Variants in ZNF732 observed in about 807,000 individuals in gnomAD.
The protein encoded by ZNF732 is zinc finger protein 732.
A neutral mutation model predicts 11.5 loss-of-function variants in ZNF732; 12 were observed. That is an observed-to-expected ratio of 1.05 (90% CI 0.67 to 1.70). The LOEUF is 1.70. Ranked by LOEUF, ZNF732 falls within the 40% of genes most tolerant of loss-of-function variation. The pLI is 0.00. For synonymous variants in ZNF732, 231 were observed against 236.5 expected, an observed-to-expected ratio of 0.98 and a Z score of 0.21; for missense variants, 702 against 676.9, an observed-to-expected ratio of 1.04 and a Z score of -0.41.
Position 272,336 on chromosome 4 carries a change from T to G in ZNF732, c.521A>C (p.Lys174Thr), listed in dbSNP as rs1214250512. ...TGEKHFKECG[K>T]SFQKFSDLTQ... ...TAGGTCTGAGAACTTCTGAAATGAC[T>G]TGCCACATTCTTTAAAGTGTTTCTC... Residue 174 changes from lysine (K) to threonine (T), a missense_variant, in exon 4 of 4, where the codon AAG becomes ACG. Transcript: ENST00000419098. 6.2e-7 allele frequency: 1 copy of G among 1,610,646 alleles called. No individual in the cohort carries two copies. The highest frequency in any genetic ancestry group is 8.5e-7 in the Non-Finnish European group (1 of 1,177,952).
intron 3 of ZNF732, among the ~76,000 whole-genome samples, chr4:288,607 C>T (rs1310080311): frequency 6.6e-6 from 1 of 152,112 alleles, no homozygotes; most frequent in African/African-American, 2.4e-5. Context: ...TATTTGTTTT[C>T]CTGCAAATAC....
rs554464445 is a variant in ZNF732 at position 295,138 on chromosome 4, T to C, written c.226+300A>G. Among the ~76,000 whole-genome samples the C allele has an allele frequency of 9.9e-5, 15 of 152,278 alleles. No individual in the cohort carries two copies. In the South Asian group the frequency reaches 3.1e-3, roughly 32 times the overall value. ...ATAGAGCTCCTCAATATACACATAT[T>C]CCTATGTCTCCAAATGCAATGGAAC... On this transcript the variant is annotated intron_variant, in intron 3 of 3. Coordinates refer to ENST00000419098, the MANE Select transcript of ZNF732 (RefSeq NM_001137608.3).
At chr4:293,995 A>C (rs1332158236) in intron 3 of ZNF732, among the ~76,000 whole-genome samples, 1 of 152,162 alleles carries the variant, frequency 6.6e-6, no homozygotes, top group Non-Finnish European at 1.5e-5. Context: ...GTCTGGTAAA[A>C]TTAGTTTGGT....
chr4:271,395 C>T lies in ZNF732; in HGVS notation c.1462G>A (p.Ala488Thr). The change falls in exon 4 of 4, where the codon GCC (alanine) becomes ACC (threonine). Residue 488 changes from alanine (A) to threonine (T), a missense_variant. By Grantham distance (58) the Ala-to-Thr change is moderately conservative (BLOSUM62 0). Around this residue, in one of 3 missense-constraint regions of ZNF732, gnomAD observed 12 missense variants for 31.5 expected, o/e 0.38. Coordinates refer to ENST00000419098, the MANE Select transcript of ZNF732 (RefSeq NM_001137608.3). ...TGAATTGTCTTATGTTTATTCAGGG[C>T]TCTGGAACATAAAAAGGCTTTGCCA... ...ECGKAFLCSR[A>T]LNKHKTIHTG... 6.2e-7 allele frequency: 1 copy of T among 1,600,844 alleles called. No individual in the cohort carries two copies. The highest frequency in any genetic ancestry group is 8.5e-7 in the Non-Finnish European group (1 of 1,173,300).
chr4:275,253 A>G (rs7694325), intron 3 of ZNF732, among the ~76,000 whole-genome samples: 36,039 of 151,566 alleles, frequency 0.24, 4,464 homozygotes, highest in South Asian at 0.36. Flanking sequence ...AAAAATTTAC[A>G]TATTTATAGA....
chr4:279,158 G>A (rs1254880598), intron 3 of ZNF732, among the ~76,000 whole-genome samples: 6 of 151,958 alleles, frequency 3.9e-5, no homozygotes, highest in Non-Finnish European at 5.9e-5. Flanking sequence ...AGACATGGGG[G>A]CCGGGTGCAG....
At chr4:293,862 A>G (rs1719894852) in intron 3 of ZNF732, among the ~76,000 whole-genome samples, 2 of 152,238 alleles carry the variant, frequency 1.3e-5, no homozygotes, top group African/African-American at 2.4e-5. Context: ...AGAAAAATTC[A>G]TATCACGCAA....
intron 3 of ZNF732, among the ~76,000 whole-genome samples, chr4:293,515 T>C (rs1719888413): frequency 6.6e-6 from 1 of 151,900 alleles, no homozygotes; most frequent in African/African-American, 2.4e-5. Flanking sequence ...AGAATGGTGG[T>C]TGTTGGTGCC....
chr4:284,679 T>C (rs1428280585), intron 3 of ZNF732, among the ~76,000 whole-genome samples: 1 of 151,564 alleles, frequency 6.6e-6, no homozygotes, highest in African/African-American at 2.4e-5. Context: ...AAGACCAGCC[T>C]GGCCAACATG....
At chr4:291,509 A>G (rs1448589428) in intron 3 of ZNF732, among the ~76,000 whole-genome samples, 1 of 152,252 alleles carries the variant, frequency 6.6e-6, no homozygotes, top group Non-Finnish European at 1.5e-5. Context: ...TAAAAAATTT[A>G]CACACTAAAT....
chr4:275,761 A>C (rs1201985571), intron 3 of ZNF732, among the ~76,000 whole-genome samples: 5 of 151,818 alleles, frequency 3.3e-5, no homozygotes, highest in Non-Finnish European at 7.4e-5. Context: ...AAAAATAAAC[A>C]AGTACAATAA....
intron 3 of ZNF732, among the ~76,000 whole-genome samples, chr4:288,934 G>C (rs371029578): frequency 4.1e-4 from 62 of 152,234 alleles, no homozygotes; most frequent in African/African-American, 1.4e-3. Flanking sequence ...CACTGTATTA[G>C]TTTATCCTCG....
intron 3 of ZNF732, among the ~76,000 whole-genome samples, chr4:289,828 G>C (rs1376914203): frequency 6.6e-6 from 1 of 152,124 alleles, no homozygotes; most frequent in Admixed American, 6.6e-5. Flanking sequence ...CCAACCCTAC[G>C]ATCCCATCAC....
chr4:300,454 CAA>C (rs559629684), intron 1 of ZNF732, among the ~76,000 whole-genome samples: 7 of 58,632 alleles, frequency 1.2e-4, no homozygotes, highest in Admixed American at 1.8e-4. Context: ...GACTCTGTCT[CAA>C]AAAAAAAAAA....
At chr4:285,970 AG>A (rs1553840553) in intron 3 of ZNF732, among the ~76,000 whole-genome samples, 1 of 152,232 alleles carries the variant, frequency 6.6e-6, no homozygotes, top group Non-Finnish European at 1.5e-5. Flanking sequence ...TGCAACCAGG[AG>A]GAACTCCCAA....
intron 3 of ZNF732, among the ~76,000 whole-genome samples, chr4:290,220 G>T (rs1196379217): frequency 6.6e-6 from 1 of 152,178 alleles, no homozygotes; most frequent in Non-Finnish European, 1.5e-5. Flanking sequence ...AAGATCAAGG[G>T]GGGTTACTTG....
At chr4:299,567 TTA>T (rs1203018805) in intron 1 of ZNF732, among the ~76,000 whole-genome samples, 25 of 139,974 alleles carry the variant, frequency 1.8e-4, no homozygotes, top group Admixed American at 9.4e-4. Context: ...ATATATAGTT[TTA>T]TATATATAAT....
intron 1 of ZNF732, among the ~76,000 whole-genome samples, chr4:302,765 A>C (rs578012724): frequency 1.5e-3 from 234 of 152,370 alleles, no homozygotes; most frequent in African/African-American, 5.4e-3. Flanking sequence ...CTTAAATATA[A>C]AAGTTTTCGA....
intron 3 of ZNF732, among the ~76,000 whole-genome samples, chr4:287,067 C>T (rs1050034233): frequency 2.2e-4 from 33 of 151,984 alleles, no homozygotes; most frequent in Non-Finnish European, 3.7e-4. Context: ...AGGAGAATGG[C>T]GTGAACCCGG....
Sources: allele counts gnomAD v4.1 joint callset (sites outside exome capture counted in the v4.1 genomes callset), GRCh38; gene constraint gnomAD v4.1.1; regional missense constraint gnomAD v4.1.1; transcripts MANE v1.5; gene names NCBI Gene and HGNC (gene_info 2026-07-23, HGNC 2026-07-21).